The following CCSER1 variants were observed in gnomAD, a reference collection of about 807,000 sequenced individuals.
CCSER1 encodes the protein coiled-coil serine rich protein 1, also known as serine-rich coiled-coil domain-containing protein 1.
Under a neutral mutation model 82.0 loss-of-function variants are expected in CCSER1, and 41 were observed. That is an observed-to-expected ratio of 0.50 (90% CI 0.39 to 0.65). The LOEUF is 0.65. Among genes scored for constraint, CCSER1 ranks in the 30% least tolerant of loss-of-function variants. The pLI is 0.00. For missense variants in CCSER1, 1,119 were observed against 1,064.2 expected (o/e 1.05, Z -0.72); for synonymous variants, 414 against 383.9 (o/e 1.08, Z -0.92).
rs1311076720 is a variant in CCSER1 at position 91,603,341 on chromosome 4, T to C, written c.*4284T>C. On this transcript the variant is annotated 3_prime_UTR_variant, in exon 11 of 11. Coordinates refer to ENST00000509176, the MANE Select transcript of CCSER1 (RefSeq NM_001145065.2). Reference sequence around the variant, plus strand: ...CATGAACTATTTATTTACAATACATTTGATCTCGTTAAGACCCCAGTTCTA... The same window carrying C: ...CATGAACTATTTATTTACAATACATCTGATCTCGTTAAGACCCCAGTTCTA... 1 of 152,108 alleles carries C rather than the reference T, an allele frequency of 6.6e-6. No individual in the cohort carries two copies. The highest frequency in any genetic ancestry group is 1.5e-5 in the Non-Finnish European group (1 of 67,978). 9.4% of individuals were successfully genotyped at this position (152,108 alleles called of 1,614,324 possible). A position where few individuals can be genotyped will look rare whatever the true frequency, so the allele number is the denominator to read the frequency against.
chr4:90,328,745 C>T (rs1040039285), intron 3 of CCSER1, among the ~76,000 whole-genome samples: 1 of 152,118 alleles, frequency 6.6e-6, no homozygotes, highest in Non-Finnish European at 1.5e-5. Context: ...GCTTTGTCTC[C>T]TTCAGAGCTT....
intron 5 of CCSER1, among the ~76,000 whole-genome samples, chr4:90,614,374 C>T (rs976069621): frequency 6.6e-6 from 1 of 152,122 alleles, no homozygotes; most frequent in East Asian, 1.9e-4. Flanking sequence ...TCACATTTCT[C>T]TAAATTTACG....
At chr4:90,850,118 A>C (rs776506365) in intron 8 of CCSER1, among the ~76,000 whole-genome samples, 11 of 152,208 alleles carry the variant, frequency 7.2e-5, no homozygotes, top group African/African-American at 2.7e-4. Flanking sequence ...TCAAGCCCCA[A>C]ACCTTGGTGA....
At chr4:90,415,596 G>A (rs1755669001) in intron 4 of CCSER1, among the ~76,000 whole-genome samples, 2 of 152,132 alleles carry the variant, frequency 1.3e-5, no homozygotes, top group Non-Finnish European at 2.9e-5. Context: ...TAACAAATAA[G>A]ACAATTTTGC....
At chr4:91,340,223 GT>G (rs1264057726) in intron 10 of CCSER1, among the ~76,000 whole-genome samples, 1 of 152,166 alleles carries the variant, frequency 6.6e-6, no homozygotes, top group Non-Finnish European at 1.5e-5. Context: ...TAAAAGTTAT[GT>G]GAATGTGGTC....
intron 5 of CCSER1, among the ~76,000 whole-genome samples, chr4:90,587,375 G>T (rs936046931): frequency 6.6e-6 from 1 of 152,248 alleles, no homozygotes; most frequent in South Asian, 2.1e-4. Context: ...ACTTTGGGAG[G>T]CCGAGGTGGG....
At chr4:91,074,953 C>A (rs1276377177) in intron 9 of CCSER1, among the ~76,000 whole-genome samples, 2 of 152,056 alleles carry the variant, frequency 1.3e-5, no homozygotes, top group Non-Finnish European at 2.9e-5. Flanking sequence ...TCAACCAAAT[C>A]TAGGGATATT....
intron 10 of CCSER1, among the ~76,000 whole-genome samples, chr4:91,399,062 C>A (rs974122383): frequency 5.9e-5 from 9 of 151,788 alleles, no homozygotes; most frequent in African/African-American, 2.2e-4. Context: ...AAAAATTAAA[C>A]CACTTAATTT....
intron 4 of CCSER1, among the ~76,000 whole-genome samples, chr4:90,439,926 C>G (rs567316699): frequency 6.6e-6 from 1 of 152,014 alleles, no homozygotes; most frequent in Non-Finnish European, 1.5e-5. Context: ...TTTTTCTTTT[C>G]CTGAGTGTAT....
chr4:90,184,791 A>G (rs974535040), intron 1 of CCSER1, among the ~76,000 whole-genome samples: 2 of 151,798 alleles, frequency 1.3e-5, no homozygotes, highest in East Asian at 3.9e-4. Context: ...CTTAGTGGAG[A>G]CAATGTGAGG....
intron 1 of CCSER1, among the ~76,000 whole-genome samples, chr4:90,273,921 A>T (rs1396669039): frequency 6.6e-6 from 1 of 152,226 alleles, no homozygotes; most frequent in East Asian, 1.9e-4. Flanking sequence ...GAAGATAATT[A>T]TTCAAGATAT....
chr4:90,304,596 A>C (rs542664640), intron 1 of CCSER1, among the ~76,000 whole-genome samples: 179 of 152,254 alleles, frequency 1.2e-3, no homozygotes, highest in African/African-American at 4.0e-3. Flanking sequence ...GGAATTGAAC[A>C]ATGAGAACAC....
chr4:90,196,813 G>A (rs997070804), intron 1 of CCSER1, among the ~76,000 whole-genome samples: 2 of 151,996 alleles, frequency 1.3e-5, no homozygotes, highest in Non-Finnish European at 2.9e-5. Flanking sequence ...ATAACTATTA[G>A]GGATAGGAAA....
chr4:90,704,924 T>C (rs980532360), intron 6 of CCSER1, among the ~76,000 whole-genome samples: 4 of 152,206 alleles, frequency 2.6e-5, no homozygotes, highest in Admixed American at 1.3e-4. Context: ...TCGAACTTCC[T>C]TCTGTAGCTT....
intron 5 of CCSER1, among the ~76,000 whole-genome samples, chr4:90,600,530 T>C (rs1172160603): frequency 1.3e-5 from 2 of 152,106 alleles, no homozygotes; most frequent in Admixed American, 6.6e-5. Context: ...TTAATTGAGA[T>C]TTTAGAACTC....
At chr4:90,538,227 C>A (rs1355830594) in intron 5 of CCSER1, among the ~76,000 whole-genome samples, 1 of 152,024 alleles carries the variant, frequency 6.6e-6, no homozygotes, top group Non-Finnish European at 1.5e-5. Context: ...CAGCAGGAGA[C>A]ATGATGCTCT....
chr4:90,460,958 TAAG>T (rs139306411), intron 4 of CCSER1, among the ~76,000 whole-genome samples: 3,336 of 151,788 alleles, frequency 0.022, 49 homozygotes, highest in Middle Eastern at 0.045. Context: ...CTTCAAATAA[TAAG>T]AAGCCCTCAC....
chr4:91,394,393 T>G (rs967808019), intron 10 of CCSER1, among the ~76,000 whole-genome samples: 4 of 152,102 alleles, frequency 2.6e-5, no homozygotes, highest in African/African-American at 9.7e-5. Flanking sequence ...TAATTTCAAA[T>G]AATTTGTTAA....
chr4:90,766,607 G>C (rs889042089), intron 7 of CCSER1, among the ~76,000 whole-genome samples: 1 of 152,020 alleles, frequency 6.6e-6, no homozygotes, highest in Non-Finnish European at 1.5e-5. Flanking sequence ...TCATGCCACT[G>C]CTGGGTGACA....
Sources: allele counts gnomAD v4.1 joint callset (sites outside exome capture counted in the v4.1 genomes callset), GRCh38; gene constraint gnomAD v4.1.1; transcripts MANE v1.5; gene names NCBI Gene and HGNC (gene_info 2026-07-23, HGNC 2026-07-21).